The following KHDRBS2 variants were observed in gnomAD, a reference collection of about 807,000 sequenced individuals.
KHDRBS2 encodes KH domain-containing, RNA-binding, signal transduction-associated protein 2.
In KHDRBS2, 26 loss-of-function variants were observed where a neutral mutation model predicts 44.3. The ratio of observed to expected loss-of-function variants is 0.59; its 90% CI spans 0.43 to 0.81. KHDRBS2 has a LOEUF of 0.81. KHDRBS2 is among the 40% of genes least tolerant of loss of function. The probability of loss-of-function intolerance (pLI) is 0.00; values close to 1 mark genes in which losing one functional copy is unlikely to be tolerated. For synonymous variants in KHDRBS2, 194 were observed against 151.1 expected (o/e 1.28, Z -2.08); for missense variants, 476 against 433.1 (o/e 1.10, Z -0.88).
intron 2 of KHDRBS2, among the ~76,000 whole-genome samples, chr6:62,067,491 A>C (rs1311799912): frequency 1.3e-5 from 2 of 151,524 alleles, no homozygotes; most frequent in African/African-American, 4.8e-5. Context: ...ACATTCAGTC[A>C]TGTACCTCTA....
At chr6:62,229,764 GGCTCTCAGGTGGGCCGCCATACCACACT>G (rs1188108395) in intron 1 of KHDRBS2, among the ~76,000 whole-genome samples, 2 of 152,134 alleles carry the variant, frequency 1.3e-5, no homozygotes, top group East Asian at 3.9e-4. Context: ...TGCCCCTTGT[GGCTCTCAGGTGGGCCGCCATACCACACT>G]GCTCTTCCTT....
chr6:62,275,240 A>C (rs1178807286), intron 1 of KHDRBS2, among the ~76,000 whole-genome samples: 1 of 152,156 alleles, frequency 6.6e-6, no homozygotes, highest in Admixed American at 6.5e-5. Flanking sequence ...ACCATTTATC[A>C]TACTGAAGTC....
intron 3 of KHDRBS2, among the ~76,000 whole-genome samples, chr6:61,993,174 C>T (rs1229185580): frequency 6.6e-6 from 1 of 152,074 alleles, no homozygotes; most frequent in Non-Finnish European, 1.5e-5. Context: ...GATATAGGCT[C>T]CCCATAATAC....
intron 6 of KHDRBS2, among the ~76,000 whole-genome samples, chr6:61,828,344 G>T (rs1225284119): frequency 6.6e-6 from 1 of 152,114 alleles, no homozygotes; most frequent in Admixed American, 6.6e-5. Context: ...ATCTTAAGAG[G>T]GTAGAAAATA....
intron 3 of KHDRBS2, among the ~76,000 whole-genome samples, chr6:62,022,030 C>CTATATATA (rs201174798): frequency 7.6e-5 from 11 of 144,694 alleles, no homozygotes; most frequent in African/African-American, 2.8e-4. Context: ...CACACAAACA[C>CTATATATA]TATATATATA....
chr6:61,581,393 A>G, the KHDRBS2 span, among the ~76,000 whole-genome samples: 1 of 151,960 alleles, frequency 6.6e-6, no homozygotes. Context: ...TAAAAATGTT[A>G]AGCAATATAT....
At chr6:61,892,647 G>A (rs1189332892) in intron 6 of KHDRBS2, among the ~76,000 whole-genome samples, 2 of 152,180 alleles carry the variant, frequency 1.3e-5, no homozygotes, top group Non-Finnish European at 1.5e-5. Context: ...AACAAGCAAT[G>A]GGGAAAGGAT....
the KHDRBS2 span, among the ~76,000 whole-genome samples, chr6:61,586,175 G>A: frequency 6.6e-6 from 1 of 152,078 alleles, no homozygotes; most frequent in East Asian, 1.9e-4. Context: ...GTTTGCTTTG[G>A]GCATTTGTTA....
the KHDRBS2 span, among the ~76,000 whole-genome samples, chr6:61,593,989 G>A: frequency 2.6e-5 from 4 of 152,010 alleles, no homozygotes; most frequent in Non-Finnish European, 2.9e-5. Context: ...TAAAATAACA[G>A]TATCTCCAAT....
chr6:61,752,010 T>C (rs1777774414), intron 6 of KHDRBS2, among the ~76,000 whole-genome samples: 1 of 152,148 alleles, frequency 6.6e-6, no homozygotes, highest in Non-Finnish European at 1.5e-5. Context: ...ATTAGGGTCC[T>C]GCCTAATGAC....
the KHDRBS2 span, among the ~76,000 whole-genome samples, chr6:61,595,459 C>T: frequency 6.6e-6 from 1 of 152,030 alleles, no homozygotes; most frequent in Non-Finnish European, 1.5e-5. Context: ...TTTTTCTTCG[C>T]TGAGAAACAA....
intron 4 of KHDRBS2, among the ~76,000 whole-genome samples, chr6:61,976,287 T>C (rs796941981): frequency 1.4e-4 from 22 of 152,260 alleles, no homozygotes; most frequent in African/African-American, 4.8e-4. Flanking sequence ...GATACAGTGT[T>C]GGCCAAAGGA....
chr6:61,691,198 A>T (rs569459534), intron 8 of KHDRBS2, among the ~76,000 whole-genome samples: 1 of 152,266 alleles, frequency 6.6e-6, no homozygotes, highest in South Asian at 2.1e-4. Flanking sequence ...TAAGGAGTGC[A>T]TTATTCAAAA....
chr6:61,576,646 A>G, the KHDRBS2 span, among the ~76,000 whole-genome samples: 4 of 152,140 alleles, frequency 2.6e-5, no homozygotes, highest in Non-Finnish European at 5.9e-5. Context: ...GCTTTTGAGA[A>G]ATAGCTTTAT....
chr6:62,158,869 T>G (rs573264111), intron 2 of KHDRBS2, among the ~76,000 whole-genome samples: 1 of 152,238 alleles, frequency 6.6e-6, no homozygotes, highest in African/African-American at 2.4e-5. Context: ...ACAATCTGAC[T>G]TCAAGCTTCT....
intron 6 of KHDRBS2, among the ~76,000 whole-genome samples, chr6:61,776,860 T>G (rs867608768): frequency 1.3e-5 from 2 of 152,168 alleles, no homozygotes; most frequent in Non-Finnish European, 2.9e-5. Flanking sequence ...GTGGCACTAT[T>G]CACAATAGGA....
intron 6 of KHDRBS2, among the ~76,000 whole-genome samples, chr6:61,749,009 C>CTTT (rs34423906): frequency 7.8e-3 from 757 of 96,642 alleles, no homozygotes; most frequent in Non-Finnish European, 9.1e-3. Context: ...TTCTTTCTTT[C>CTTT]TTTTTTTTTT....
chr6:61,768,693 C>T lies in KHDRBS2; in HGVS notation c.811-35929G>A, dbSNP rs150264307. 7.2e-4 allele frequency among the ~76,000 whole-genome samples: 110 copies of T among 152,114 alleles called. 1 individual carries two copies. The East Asian group carries it at 0.02, about 27-fold the overall frequency. On this transcript the variant is annotated intron_variant, in intron 6 of 8. Coordinates refer to ENST00000281156, the MANE Select transcript of KHDRBS2 (RefSeq NM_152688.4). ...GTCAATTGCATTTTTTTAGCTCCAC[C>T]ACATGGCTGTTGCCAGGGTTTGGGG...
chr6:61,565,372 G>T, the KHDRBS2 span, among the ~76,000 whole-genome samples: 1 of 151,860 alleles, frequency 6.6e-6, no homozygotes, highest in Non-Finnish European at 1.5e-5. Flanking sequence ...CAACAAACTG[G>T]AAAGACAACC....
Sources: allele counts gnomAD v4.1 joint callset (sites outside exome capture counted in the v4.1 genomes callset), GRCh38; gene constraint gnomAD v4.1.1; transcripts MANE v1.5; gene names NCBI Gene and HGNC (gene_info 2026-07-23, HGNC 2026-07-21).